BCAS3: variants seen among roughly 807,000 people sequenced by gnomAD.
The protein encoded by BCAS3 is BCAS4/BCAS3 fusion.
A neutral mutation model predicts 116.1 loss-of-function variants in BCAS3; 53 were observed. The ratio of observed to expected loss-of-function variants is 0.46; its 90% CI spans 0.37 to 0.57. BCAS3 has a LOEUF of 0.57. BCAS3 is among the 20% of genes least tolerant of loss of function. The pLI, the probability that BCAS3 is intolerant of heterozygous loss-of-function variation, is 0.00. For synonymous variants in BCAS3, 391 were observed against 408.2 expected, an observed-to-expected ratio of 0.96 and a Z score of 0.51; for missense variants, 917 against 1,165.4, an observed-to-expected ratio of 0.79 and a Z score of 3.10.
chr17:61,254,734 GC>G (rs1440316781), intron 22 of BCAS3, among the ~76,000 whole-genome samples: 1 of 115,734 alleles, frequency 8.6e-6, no homozygotes, highest in East Asian at 2.9e-4. Flanking sequence ...CCGAGATTGC[GC>G]CACTGCACTC....
chr17:60,953,408 G>T (rs937567663), intron 14 of BCAS3, among the ~76,000 whole-genome samples: 23 of 150,268 alleles, frequency 1.5e-4, no homozygotes, highest in African/African-American at 5.0e-4. Context: ...ATTTAATGGG[G>T]TTTTTTGTTT....
chr17:61,200,232 C>T lies in BCAS3; in HGVS notation c.2425+115668C>T, dbSNP rs2080740500. On this transcript the variant is annotated intron_variant, in intron 22 of 23. Coordinates refer to ENST00000407086, the MANE Select transcript of BCAS3 (RefSeq NM_017679.5). The surrounding 1 kb of genome is among the most constrained non-coding windows in gnomAD (Gnocchi z 5.1). ...TTATTCAGGTCCCAAAGGCAGCTTG[C>T]TTGAGACATCAGAAGGAGTCAGAGT... Among the ~76,000 whole-genome samples, 1 of 152,176 alleles carries T rather than the reference C, an allele frequency of 6.6e-6. No individual in the cohort carries two copies. The highest frequency in any genetic ancestry group is 1.5e-5 in the Non-Finnish European group (1 of 68,034).
intron 9 of BCAS3, among the ~76,000 whole-genome samples, chr17:60,881,075 C>T (rs990115363): frequency 6.6e-6 from 1 of 152,026 alleles, no homozygotes; most frequent in Non-Finnish European, 1.5e-5. Flanking sequence ...CCTGGGTTCA[C>T]GCCATTCTCC....
At chr17:60,802,500 G>A (rs1468433283) in intron 6 of BCAS3, among the ~76,000 whole-genome samples, 2 of 151,634 alleles carry the variant, frequency 1.3e-5, no homozygotes, top group Non-Finnish European at 2.9e-5. Flanking sequence ...TAATGGAAAT[G>A]ATTAATGACA....
At chr17:60,805,697 G>A (rs368562751) in intron 6 of BCAS3, among the ~76,000 whole-genome samples, 65 of 151,852 alleles carry the variant, frequency 4.3e-4, no homozygotes, top group African/African-American at 1.5e-3. Context: ...ACATGGTGGC[G>A]GGCACCTGTA....
At chr17:60,788,452 A>T (rs114113816) in intron 6 of BCAS3, among the ~76,000 whole-genome samples, 1 of 152,332 alleles carries the variant, frequency 6.6e-6, no homozygotes, top group East Asian at 1.9e-4. Flanking sequence ...AGGTTAAGGG[A>T]TACCTCATAT....
chr17:60,963,622 C>G (rs2061516281), intron 14 of BCAS3, among the ~76,000 whole-genome samples: 1 of 148,688 alleles, frequency 6.7e-6, no homozygotes, highest in African/African-American at 2.5e-5. Flanking sequence ...GTGGCGCAAT[C>G]TCAGCTCACT....
At position 61,012,126 on chromosome 17, in the gene BCAS3, A is replaced by G. The variant is rs749981556; in HGVS notation, c.1487-3625A>G. Among the ~76,000 whole-genome samples the G allele has an allele frequency of 1.4e-4, 22 of 151,976 alleles. No individual in the cohort carries two copies. Among genetic ancestry groups the G allele is most frequent in the Non-Finnish European group, 2.9e-4 (20 of 67,932 alleles). On this transcript the variant is annotated intron_variant, in intron 15 of 23. Transcript: ENST00000407086. The surrounding 1 kb of genome is among the most constrained non-coding windows in gnomAD (Gnocchi z 4.5). ...TGTTCCTGAGTCATTTTTCAGATGT[A>G]TTTATTAGCATGGTTTTCTCCCATT...
rs2058697277 is a variant in BCAS3 at position 61,365,793 on chromosome 17, T to C, written c.2426-2534T>C. Among the ~76,000 whole-genome samples the C allele has an allele frequency of 6.6e-6, 1 of 152,092 alleles. No individual in the cohort carries two copies. The highest frequency in any genetic ancestry group is 2.1e-4 in the South Asian group (1 of 4,826). On this transcript the variant is annotated intron_variant, in intron 22 of 23. Transcript: ENST00000407086. The surrounding 1 kb of genome is among the most constrained non-coding windows in gnomAD (Gnocchi z 4.6). ...TGCTCTTGTGAAGTGAGAAAACAAA[T>C]GGTCATTCTCTTCCCAATTTTCCAG...
At chr17:61,150,392 T>C (rs1023381247) in intron 22 of BCAS3, among the ~76,000 whole-genome samples, 1 of 152,222 alleles carries the variant, frequency 6.6e-6, no homozygotes, top group Non-Finnish European at 1.5e-5. Context: ...TTCTCATCAT[T>C]TATTGTGGTC....
At chr17:61,318,517 G>A (rs1458657028) in intron 22 of BCAS3, among the ~76,000 whole-genome samples, 1 of 152,116 alleles carries the variant, frequency 6.6e-6, no homozygotes, top group Non-Finnish European at 1.5e-5. Flanking sequence ...ACAAATGTGG[G>A]CATTTCCAAG....
intron 7 of BCAS3, among the ~76,000 whole-genome samples, chr17:60,837,908 C>T (rs189089030): frequency 4.9e-4 from 75 of 152,136 alleles, no homozygotes; most frequent in Non-Finnish European, 1.0e-3. Flanking sequence ...CCGTTGGCCT[C>T]CCAAAGTGCT....
Position 60,947,229 on chromosome 17 carries a change from A to G in BCAS3, c.1098A>G (p.Leu366=). 6.2e-7 allele frequency: 1 copy of G among 1,612,214 alleles called. No individual in the cohort carries two copies. The highest frequency in any genetic ancestry group is 8.5e-7 in the Non-Finnish European group (1 of 1,178,702). The change falls in exon 14 of 24, where the codon CTA becomes CTG. Residue 366 remains leucine (L), a synonymous_variant. Transcript: ENST00000407086. Reference sequence around the variant, plus strand: ...TTTTTTGTCTTCCAGGAATGCTTCTAGTCACAACAGACACCCTTGGCCATG... The same window carrying G: ...TTTTTTGTCTTCCAGGAATGCTTCTGGTCACAACAGACACCCTTGGCCATG... ...CMAFNTSGML[L]VTTDTLGHDF... is the part of the protein sequence containing the mutation.
chr17:61,153,996 T>C (rs1842067968), intron 22 of BCAS3, among the ~76,000 whole-genome samples: 1 of 152,150 alleles, frequency 6.6e-6, no homozygotes, highest in South Asian at 2.1e-4. Flanking sequence ...CTAAAGAAAT[T>C]AAGAGGATGG....
rs1051802985 is a variant in BCAS3, at chr17:61,332,234, G to A, written c.2426-36093G>A. ...GGGACATGAGAAGAAGGCATTCTTAGAACAGATACTGCCTGGTGACCCACC... is the reference window on the plus strand; with the variant it reads ...GGGACATGAGAAGAAGGCATTCTTAAAACAGATACTGCCTGGTGACCCACC... On this transcript the variant is annotated intron_variant, in intron 22 of 23. Transcript: ENST00000407086. This position sits in a 1 kb window ranked among gnomAD's most constrained non-coding sequence, Gnocchi z 5.4. Among the ~76,000 whole-genome samples the A allele has an allele frequency of 1.3e-4, 20 of 152,204 alleles. No individual in the cohort carries two copies. Among genetic ancestry groups the A allele is most frequent in the African/African-American group, 4.3e-4 (18 of 41,450 alleles).
At position 61,204,919 on chromosome 17, in the gene BCAS3, G is replaced by T. The variant is rs1237843124; in HGVS notation, c.2425+120355G>T. 6.6e-6 allele frequency among the ~76,000 whole-genome samples: 1 copy of T among 152,132 alleles called. No homozygotes were observed. Among genetic ancestry groups the T allele is most frequent in the African/African-American group, 2.4e-5 (1 of 41,424 alleles). ...ATATAGAAATTAGCCTGGCGTGGCG[G>T]CACATACCTGTAGTCCCAGCTACTC... On this transcript the variant is annotated intron_variant, in intron 22 of 23. Transcript: ENST00000407086. This position sits in a 1 kb window ranked among gnomAD's most constrained non-coding sequence, Gnocchi z 4.2.
In BCAS3 at chr17:61,190,425, G is replaced by A. The variant is rs531315480; in HGVS notation, c.2425+105861G>A. Among the ~76,000 whole-genome samples, 94 of 148,856 alleles carry A rather than the reference G, an allele frequency of 6.3e-4. 1 individual carries two copies. The South Asian group carries it at 0.02, about 32-fold the overall frequency. On this transcript the variant is annotated intron_variant, in intron 22 of 23. Transcript: ENST00000407086. ...ACCTGTAATCCCAGCTACTGTGGAT[G>A]CTGAGGCAGGAGAATCGCTTGAACC...
intron 11 of BCAS3, among the ~76,000 whole-genome samples, chr17:60,904,604 G>A (rs1035263572): frequency 1.3e-5 from 2 of 152,130 alleles, no homozygotes; most frequent in Non-Finnish European, 2.9e-5. Flanking sequence ...GGCTGAGGTG[G>A]GAGGATCACA....
In BCAS3 at chr17:61,028,754, A is replaced by G. The variant is rs1303097823; in HGVS notation, c.1638-5912A>G. 6.6e-6 allele frequency among the ~76,000 whole-genome samples: 1 copy of G among 151,916 alleles called. No homozygotes were observed. Among genetic ancestry groups the G allele is most frequent in the African/African-American group, 2.4e-5 (1 of 41,450 alleles). On this transcript the variant is annotated intron_variant, in intron 16 of 23. Transcript: ENST00000407086. The surrounding 1 kb of genome is among the most constrained non-coding windows in gnomAD (Gnocchi z 4.3). ...GAAAGGGATATATTAAATATAGTAGACTTTTAAATCATTGCCTGTCTTTTA... is the reference window on the plus strand; with the variant it reads ...GAAAGGGATATATTAAATATAGTAGGCTTTTAAATCATTGCCTGTCTTTTA...
Sources: allele counts gnomAD v4.1 joint callset (sites outside exome capture counted in the v4.1 genomes callset), GRCh38; gene constraint gnomAD v4.1.1; non-coding constraint Gnocchi (gnomAD v3.1); transcripts MANE v1.5; gene names NCBI Gene and HGNC (gene_info 2026-07-23, HGNC 2026-07-21).